Variants in CDH18 observed in about 807,000 individuals in gnomAD.
CDH18 encodes cadherin-18.
Under a neutral mutation model 67.9 loss-of-function variants are expected in CDH18, and 31 were observed. That is an observed-to-expected ratio of 0.46 (90% confidence interval 0.34 to 0.62). The LOEUF is 0.62. Among genes scored for constraint, CDH18 ranks in the 20% least tolerant of loss-of-function variants. The probability of loss-of-function intolerance (pLI) is 0.01; values close to 1 mark genes in which losing one functional copy is unlikely to be tolerated. For missense variants in CDH18, 890 were observed against 975.5 expected (o/e 0.91, Z 1.17); for synonymous variants, 362 against 347.2 (o/e 1.04, Z -0.48).
At chr5:20,014,767 G>C (rs922940921) in intron 2 of CDH18, among the ~76,000 whole-genome samples, 10 of 152,110 alleles carry the variant, frequency 6.6e-5, no homozygotes, top group Non-Finnish European at 8.8e-5. Flanking sequence ...GCGCCATTCA[G>C]AAACAGCTCC....
chr5:20,065,323 A>C (rs1424225173), intron 2 of CDH18, among the ~76,000 whole-genome samples: 2 of 152,032 alleles, frequency 1.3e-5, no homozygotes, highest in African/African-American at 4.8e-5. Flanking sequence ...GATTTGGCTT[A>C]AAATGTTAAA....
chr5:20,043,522 T>A (rs1451304885), intron 2 of CDH18, among the ~76,000 whole-genome samples: 1 of 152,204 alleles, frequency 6.6e-6, no homozygotes, highest in Non-Finnish European at 1.5e-5. Flanking sequence ...ACAAAGCACT[T>A]CTGTGCAGGG....
chr5:19,698,509 T>C (rs1762820612), intron 5 of CDH18, among the ~76,000 whole-genome samples: 1 of 152,070 alleles, frequency 6.6e-6, no homozygotes, highest in Non-Finnish European at 1.5e-5. Context: ...AAACATTTGA[T>C]AATGATCTCT....
At chr5:20,445,652 T>C (rs184349308) in intron 1 of CDH18, among the ~76,000 whole-genome samples, 2 of 152,282 alleles carry the variant, frequency 1.3e-5, no homozygotes, top group East Asian at 3.9e-4. Flanking sequence ...CTTACTTGGA[T>C]ATCAAGAGTG....
chr5:20,367,538 A>C (rs142603663), intron 1 of CDH18, among the ~76,000 whole-genome samples: 1 of 152,208 alleles, frequency 6.6e-6, no homozygotes, highest in South Asian at 2.1e-4. Context: ...GTAGTTTTTC[A>C]GTAGATAATT....
intron 1 of CDH18, among the ~76,000 whole-genome samples, chr5:20,404,074 C>G (rs1746016003): frequency 6.6e-6 from 1 of 152,152 alleles, no homozygotes; most frequent in Non-Finnish European, 1.5e-5. Flanking sequence ...CCTAGTGAAC[C>G]AACTTCCACT....
intron 7 of CDH18, among the ~76,000 whole-genome samples, chr5:19,575,791 C>T (rs16885756): frequency 0.083 from 12,566 of 152,058 alleles, 595 homozygotes; most frequent in African/African-American, 0.13. Flanking sequence ...AGAACCACAC[C>T]CTCTCTGGGA....
At chr5:19,667,525 CACACAT>C (rs1758141882) in intron 5 of CDH18, among the ~76,000 whole-genome samples, 1 of 149,708 alleles carries the variant, frequency 6.7e-6, no homozygotes, top group African/African-American at 2.5e-5. Flanking sequence ...CACACACACA[CACACAT>C]ACACACACAT....
At chr5:20,552,849 G>A (rs934795290) in intron 1 of CDH18, among the ~76,000 whole-genome samples, 14 of 151,354 alleles carry the variant, frequency 9.2e-5, no homozygotes, top group African/African-American at 1.7e-4. Flanking sequence ...TCTGCCTCGC[G>A]GTTCAAGCAA....
intron 1 of CDH18, among the ~76,000 whole-genome samples, chr5:20,376,156 C>T (rs1004170169): frequency 3.1e-5 from 4 of 127,802 alleles, no homozygotes; most frequent in East Asian, 2.7e-4. Flanking sequence ...TGCGGTGGCG[C>T]GATCTCGGCT....
intron 2 of CDH18, among the ~76,000 whole-genome samples, chr5:19,876,304 G>T (rs531948374): frequency 6.6e-6 from 1 of 152,182 alleles, no homozygotes; most frequent in African/African-American, 2.4e-5. Context: ...TATACAGGTG[G>T]AAGATTCTAG....
chr5:20,052,739 A>C (rs1276440702), intron 2 of CDH18, among the ~76,000 whole-genome samples: 1 of 152,102 alleles, frequency 6.6e-6, no homozygotes, highest in Non-Finnish European at 1.5e-5. Context: ...ATTCACAAAA[A>C]ATAGTAATAG....
At chr5:20,565,638 C>A (rs1007100712) in intron 1 of CDH18, among the ~76,000 whole-genome samples, 1 of 151,866 alleles carries the variant, frequency 6.6e-6, no homozygotes, top group Non-Finnish European at 1.5e-5. Flanking sequence ...AATGGAATAT[C>A]CTGAGACCTC....
At chr5:19,614,075 A>G (rs886106182) in intron 5 of CDH18, among the ~76,000 whole-genome samples, 9 of 152,078 alleles carry the variant, frequency 5.9e-5, no homozygotes, top group Non-Finnish European at 5.9e-5. Flanking sequence ...TTTACCAAAT[A>G]CTTTTACAGA....
Position 19,473,733 on chromosome 5 carries a change from A to G in CDH18, c.1883-17T>C, listed in dbSNP as rs747721580. On this transcript the variant is annotated splice_polypyrimidine_tract_variant and intron_variant, in intron 12 of 12. Transcript: ENST00000382275. The stretch of plus-strand genomic sequence containing the variant: ...CCACAATTGCTGAGGAAGAATGGAA[A>G]AAGGATGAAGAATTAAGAAAACAGG... The G allele has an allele frequency of 1.0e-5, 16 of 1,561,860 alleles. No homozygotes were observed. Among genetic ancestry groups the G allele is most frequent in the Non-Finnish European group, 1.3e-5 (15 of 1,155,754 alleles).
chr5:19,622,602 A>G (rs1175693781), intron 5 of CDH18, among the ~76,000 whole-genome samples: 1 of 152,164 alleles, frequency 6.6e-6, no homozygotes, highest in Non-Finnish European at 1.5e-5. Flanking sequence ...GGGGTTTAGA[A>G]GCTGCTGCCT....
At chr5:19,798,505 G>A (rs1468198149) in intron 3 of CDH18, among the ~76,000 whole-genome samples, 7 of 151,914 alleles carry the variant, frequency 4.6e-5, no homozygotes, top group Admixed American at 1.3e-4. Context: ...TTGGACTTGG[G>A]TAGTGGGGTG....
intron 1 of CDH18, among the ~76,000 whole-genome samples, chr5:20,426,475 C>G (rs1396344): frequency 0.77 from 116,214 of 150,782 alleles, 45,592 homozygotes; most frequent in African/African-American, 0.83. Context: ...TATTATTTTT[C>G]TCAACAAAAA....
chr5:20,504,935 T>A (rs1177700657), intron 1 of CDH18, among the ~76,000 whole-genome samples: 2 of 151,832 alleles, frequency 1.3e-5, no homozygotes, highest in Non-Finnish European at 2.9e-5. Flanking sequence ...GCCCGGCTAA[T>A]TTTTTGTATA....
Sources: allele counts gnomAD v4.1 joint callset (sites outside exome capture counted in the v4.1 genomes callset), GRCh38; gene constraint gnomAD v4.1.1; transcripts MANE v1.5; gene names NCBI Gene and HGNC (gene_info 2026-07-23, HGNC 2026-07-21).